PDE4D: variants seen among roughly 807,000 people sequenced by gnomAD.
The protein encoded by PDE4D is 3',5'-cyclic-AMP phosphodiesterase 4D.
A neutral mutation model predicts 87.4 loss-of-function variants in PDE4D; 24 were observed. That is an observed-to-expected ratio of 0.27 (90% CI 0.20 to 0.39). The LOEUF (loss-of-function observed/expected upper bound fraction) is 0.39, where lower values mean the gene tolerates loss of function less well. Ranked by LOEUF, PDE4D falls within the 10% of genes least tolerant of loss-of-function variation. The pLI is 1.00. For missense variants in PDE4D, 714 were observed against 1,041.0 expected, an observed-to-expected ratio of 0.69 and a Z score of 4.32; for synonymous variants, 384 against 383.2, an observed-to-expected ratio of 1.00 and a Z score of -0.02.
At chr5:60,380,942 T>C (rs1298627251) in intron 1 of PDE4D, among the ~76,000 whole-genome samples, 2 of 152,200 alleles carry the variant, frequency 1.3e-5, no homozygotes, top group African/African-American at 2.4e-5. Flanking sequence ...TGGTGATTTT[T>C]CGTGCATGTG....
chr5:60,330,592 A>G (rs942193231), intron 1 of PDE4D, among the ~76,000 whole-genome samples: 2 of 152,202 alleles, frequency 1.3e-5, no homozygotes, highest in African/African-American at 4.8e-5. Flanking sequence ...TACAGCCCAG[A>G]CAAGCAGGGC....
intron 2 of PDE4D, among the ~76,000 whole-genome samples, chr5:60,053,707 G>C (rs1365513317): frequency 6.6e-6 from 1 of 151,666 alleles, no homozygotes; most frequent in African/African-American, 2.4e-5. Context: ...TAATCAAAGA[G>C]CTTCTTCACA....
Position 59,961,529 on chromosome 5 carries a change from T to G in PDE4D, c.272+26959A>C, listed in dbSNP as rs192399596. Among the ~76,000 whole-genome samples the G allele has an allele frequency of 3.0e-4, 45 of 152,208 alleles. 1 individual carries two copies. In the East Asian group the frequency reaches 7.2e-3, roughly 24 times the overall value. The stretch of plus-strand genomic sequence containing the variant: ...CAACTCAGAGAGAATAAATTTCTGC[T>G]GTTTCGAGCCACCCATTTGTGGTCA... On this transcript the variant is annotated intron_variant, in intron 3 of 16. Coordinates refer to the PDE4D transcript ENST00000502484.
chr5:59,867,719 A>G (rs1747248377), intron 1 of PDE4D, among the ~76,000 whole-genome samples: 1 of 152,190 alleles, frequency 6.6e-6, no homozygotes, highest in Non-Finnish European at 1.5e-5. Context: ...ATTATGTCTC[A>G]TCCAGATCAT....
intron 1 of PDE4D, among the ~76,000 whole-genome samples, chr5:60,445,877 A>C (rs1745601923): frequency 6.6e-6 from 1 of 152,206 alleles, no homozygotes; most frequent in Admixed American, 6.5e-5. Context: ...GGAAAAAGTC[A>C]AAAAGTGACT....
intron 2 of PDE4D, among the ~76,000 whole-genome samples, chr5:60,182,353 A>C (rs1484605309): frequency 1.3e-5 from 2 of 152,234 alleles, no homozygotes; most frequent in Non-Finnish European, 2.9e-5. Flanking sequence ...ATTCCATTAT[A>C]CTAGTCACTA....
At chr5:59,591,471 C>T (rs749838325) in intron 1 of PDE4D, among the ~76,000 whole-genome samples, 1 of 152,148 alleles carries the variant, frequency 6.6e-6, no homozygotes. Context: ...CAGAAAGTAA[C>T]TTTAATGTCA....
intron 6 of PDE4D, among the ~76,000 whole-genome samples, chr5:59,034,393 TTA>T (rs1282058426): frequency 6.6e-6 from 1 of 152,218 alleles, no homozygotes; most frequent in Non-Finnish European, 1.5e-5. Flanking sequence ...TCCAATTAAC[TTA>T]GTTTCCTTCT....
chr5:60,084,448 A>G (rs1447722616), intron 2 of PDE4D, among the ~76,000 whole-genome samples: 10 of 152,060 alleles, frequency 6.6e-5, no homozygotes, highest in African/African-American at 2.4e-4. Flanking sequence ...GTGTGAGAGA[A>G]ATATGGGCCT....
chr5:60,182,604 C>T (rs1784453199), intron 2 of PDE4D, among the ~76,000 whole-genome samples: 1 of 152,136 alleles, frequency 6.6e-6, no homozygotes, highest in Non-Finnish European at 1.5e-5. Context: ...TGCACTCCAG[C>T]GCCGTGGCTC....
intron 1 of PDE4D, among the ~76,000 whole-genome samples, chr5:59,831,093 A>G (rs2152697513): frequency 6.6e-6 from 1 of 152,154 alleles, no homozygotes; most frequent in Admixed American, 6.6e-5. Context: ...CTGAAATGGA[A>G]TGAGAAAGGG....
chr5:59,771,466 A>AAAGAAAGAGAGAG (rs1763472423), intron 1 of PDE4D, among the ~76,000 whole-genome samples: 4 of 76,444 alleles, frequency 5.2e-5, no homozygotes, highest in African/African-American at 1.8e-4. Context: ...AGAAAGAAAG[A>AAAGAAAGAGAGAG]AAGAAAGAAA....
At chr5:59,670,843 T>C (rs1747080914) in intron 1 of PDE4D, among the ~76,000 whole-genome samples, 1 of 152,234 alleles carries the variant, frequency 6.6e-6, no homozygotes, top group African/African-American at 2.4e-5. Context: ...TTTTACTTTT[T>C]TTTTTTAAAT....
chr5:60,067,016 A>C (rs193027614), intron 2 of PDE4D, among the ~76,000 whole-genome samples: 3 of 152,142 alleles, frequency 2.0e-5, no homozygotes. Flanking sequence ...ATAATAAAAT[A>C]CGAAAGAAAG....
intron 1 of PDE4D, among the ~76,000 whole-genome samples, chr5:60,480,575 A>G (rs1252412030): frequency 1.3e-5 from 2 of 152,110 alleles, no homozygotes; most frequent in African/African-American, 4.8e-5. Context: ...CAGAGACCAC[A>G]GAGTTATGGG....
intron 5 of PDE4D, among the ~76,000 whole-genome samples, chr5:59,065,758 T>C (rs557634133): frequency 7.6e-4 from 116 of 152,284 alleles, no homozygotes; most frequent in East Asian, 3.9e-4. Flanking sequence ...CACTGTTTGA[T>C]GATATCATTC....
At chr5:59,146,552 G>A (rs929361658) in intron 5 of PDE4D, among the ~76,000 whole-genome samples, 3 of 151,248 alleles carry the variant, frequency 2.0e-5, no homozygotes, top group Non-Finnish European at 2.9e-5. Flanking sequence ...GTTTCATCAA[G>A]AAATGGAAGT....
chr5:59,034,497 T>TA (rs1450396723), intron 6 of PDE4D, among the ~76,000 whole-genome samples: 1 of 152,186 alleles, frequency 6.6e-6, no homozygotes, highest in African/African-American at 2.4e-5. Flanking sequence ...ATGAAGATCC[T>TA]ATATTTGTTA....
chr5:59,562,541 T>A (rs992371892), intron 1 of PDE4D, among the ~76,000 whole-genome samples: 13 of 152,360 alleles, frequency 8.5e-5, no homozygotes, highest in African/African-American at 3.1e-4. Context: ...TGAATGGAAA[T>A]TCATTTCCAA....
Sources: allele counts gnomAD v4.1 joint callset (sites outside exome capture counted in the v4.1 genomes callset), GRCh38; gene constraint gnomAD v4.1.1; transcripts MANE v1.5; gene names NCBI Gene and HGNC (gene_info 2026-07-23, HGNC 2026-07-21).